Variants in FER1L6 observed in about 807,000 individuals in gnomAD.
FER1L6 encodes fer-1-like protein 6.
A neutral mutation model predicts 219.2 loss-of-function variants in FER1L6; 177 were observed. That is an observed-to-expected ratio of 0.81 (90% confidence interval 0.71 to 0.91). The LOEUF is 0.91. FER1L6 is among the 40% of genes least tolerant of loss of function. The pLI, the probability that FER1L6 is intolerant of heterozygous loss-of-function variation, is 0.00. For synonymous variants in FER1L6, 768 were observed against 824.3 expected (o/e 0.93, Z 1.17); for missense variants, 2,153 against 2,259.9 (o/e 0.95, Z 0.96).
intron 33 of FER1L6, among the ~76,000 whole-genome samples, chr8:124,083,245 TTCTA>T (rs1247633616): frequency 2.6e-5 from 4 of 152,202 alleles, no homozygotes; most frequent in African/African-American, 4.8e-5. Context: ...CTGTATCTTA[TTCTA>T]TCTAACTATA....
chr8:124,014,786 C>G (rs1278432335), intron 15 of FER1L6, among the ~76,000 whole-genome samples: 1 of 152,136 alleles, frequency 6.6e-6, no homozygotes, highest in Non-Finnish European at 1.5e-5. Context: ...TTATCTTTTA[C>G]TGAGAAACAA....
At position 124,061,978 on chromosome 8, in the gene FER1L6, C is replaced by G. The variant is rs1459532241; in HGVS notation, c.3274C>G (p.Leu1092Val). 1.2e-6 allele frequency: 2 copies of G among 1,614,176 alleles called. No homozygotes were observed. The highest frequency in any genetic ancestry group is 2.2e-5 in the South Asian group (2 of 91,086). ...CTACTTGAAGCAGTTTTTGTGTAAA[C>G]TCAGAGAGCCCCTTGCCCCCATCAC... is the stretch of plus-strand genomic sequence containing the variant. ...INYLKQFLCK[L>V]REPLAPITQV... is the part of the protein sequence containing the mutation. Residue 1092 changes from leucine (L) to valine (V), a missense_variant, in exon 25 of 41, where the codon CTC becomes GTC. By Grantham distance (32) the Leu-to-Val change is conservative. Transcript: ENST00000522917.
chr8:124,081,932 C>A (rs1430878503), intron 32 of FER1L6, among the ~76,000 whole-genome samples: 1 of 152,130 alleles, frequency 6.6e-6, no homozygotes, highest in Non-Finnish European at 1.5e-5. Flanking sequence ...AAATAACTTT[C>A]CCAAAGTTTT....
chr8:123,880,245 G>C (rs1185551565), intron 1 of FER1L6, among the ~76,000 whole-genome samples: 1 of 152,006 alleles, frequency 6.6e-6, no homozygotes, highest in Non-Finnish European at 1.5e-5. Context: ...TTGACCAGCT[G>C]ATCGACCAAC....
intron 1 of FER1L6, among the ~76,000 whole-genome samples, chr8:123,927,096 A>G (rs577545248): frequency 6.6e-6 from 1 of 151,782 alleles, no homozygotes; most frequent in African/African-American, 2.4e-5. Flanking sequence ...CATTGGTGCT[A>G]GTAAGAACAC....
rs982700744 is a variant in FER1L6, at chr8:123,852,550, G to A, written c.-8+365G>A. On this transcript the variant is annotated intron_variant, in intron 1 of 40. Coordinates refer to ENST00000522917, the MANE Select transcript of FER1L6 (RefSeq NM_001039112.2). This position sits in a 1 kb window ranked among gnomAD's most constrained non-coding sequence, Gnocchi z 4.9. ...AGAGGGAGGAGAAAGAAGAGAGACT[G>A]GTAAAATTTTGGGGGATTATAGAGA... Among the ~76,000 whole-genome samples the A allele has an allele frequency of 1.1e-4, 16 of 151,546 alleles. No individual in the cohort carries two copies. Among genetic ancestry groups the A allele is most frequent in the Admixed American group, 7.9e-4 (12 of 15,172 alleles).
At chr8:124,038,654 T>C (rs1477986115) in intron 19 of FER1L6, among the ~76,000 whole-genome samples, 1 of 152,176 alleles carries the variant, frequency 6.6e-6, no homozygotes, top group Non-Finnish European at 1.5e-5. Flanking sequence ...GGAACTATTA[T>C]TACCTCGATT....
intron 12 of FER1L6, among the ~76,000 whole-genome samples, chr8:123,992,314 G>A (rs1432515014): frequency 6.6e-6 from 1 of 150,850 alleles, no homozygotes; most frequent in Non-Finnish European, 1.5e-5. Context: ...ATTCAGCTGT[G>A]AATCCATCTG....
rs367691177 is a variant in FER1L6, at chr8:124,096,738, A to T, written c.4696-533A>T. Among the ~76,000 whole-genome samples, 12 of 152,286 alleles carry T rather than the reference A, an allele frequency of 7.9e-5. No homozygotes were observed. In the East Asian group the frequency reaches 1.9e-3, roughly 25 times the overall value. ...AGAATCCTGGCTGGGGTGAACATTA[A>T]CAGAGATAATGAAGGTAAAGGTACA... On this transcript the variant is annotated intron_variant, in intron 35 of 40. Coordinates refer to ENST00000522917, the MANE Select transcript of FER1L6 (RefSeq NM_001039112.2).
intron 13 of FER1L6, among the ~76,000 whole-genome samples, chr8:124,008,175 T>C (rs932459138): frequency 1.3e-5 from 2 of 152,250 alleles, no homozygotes; most frequent in Non-Finnish European, 1.5e-5. Flanking sequence ...CTCCCATTTA[T>C]GAATGAAAGC....
Position 123,976,002 on chromosome 8 carries a change from T to C in FER1L6, c.788T>C (p.Met263Thr). 6.2e-7 allele frequency: 1 copy of C among 1,614,114 alleles called. No individual in the cohort carries two copies. The highest frequency in any genetic ancestry group is 8.5e-7 in the Non-Finnish European group (1 of 1,179,972). ...TTGCCCAAAATGAATTCAAGCATCA[T>C]GGCGAACGTCACCAAGGCATTTGTG... ...EGLPKMNSSI[M>T]ANVTKAFVGD... is the part of the protein sequence containing the mutation. Residue 263 changes from methionine to threonine, a missense_variant, in exon 9 of 41, where the codon ATG becomes ACG. Physicochemically the swap from Met to Thr is moderately conservative, Grantham distance 81 (BLOSUM62 -1). Transcript: ENST00000522917.
chr8:124,100,999 C>A (rs540624899), intron 37 of FER1L6, 98 bp from the exon 38 acceptor site: 1 of 1,116,310 alleles, frequency 9.0e-7, no homozygotes, highest in Admixed American at 2.1e-5. Context: ...TTAAACTATG[C>A]TCTGTGACCA....
intron 1 of FER1L6, among the ~76,000 whole-genome samples, chr8:123,944,712 G>C (rs1447834956): frequency 6.6e-6 from 1 of 152,136 alleles, no homozygotes; most frequent in African/African-American, 2.4e-5. Context: ...ATGAGGTACA[G>C]GGTAACCAGA....
rs543679100 is a variant in FER1L6, at chr8:123,917,755, A to G, written c.-7-38237A>G. Reference sequence around the variant, plus strand: ...CAGGCATCTTTCTATGCATATATACATTTTTATACACAAATTGTATCGCAT... The same window carrying G: ...CAGGCATCTTTCTATGCATATATACGTTTTTATACACAAATTGTATCGCAT... On this transcript the variant is annotated intron_variant, in intron 1 of 40. Transcript: ENST00000522917. 3.3e-5 allele frequency among the ~76,000 whole-genome samples: 5 copies of G among 152,330 alleles called. No individual in the cohort carries two copies. The East Asian group carries it at 5.8e-4, about 18-fold the overall frequency.
chr8:124,067,068 T>C (rs1820859939), intron 27 of FER1L6, among the ~76,000 whole-genome samples: 2 of 152,164 alleles, frequency 1.3e-5, no homozygotes. Context: ...GATCTAGTTA[T>C]GAAGCTGGAG....
chr8:123,872,484 T>C (rs1420188998), intron 1 of FER1L6, among the ~76,000 whole-genome samples: 1 of 152,140 alleles, frequency 6.6e-6, no homozygotes, highest in Non-Finnish European at 1.5e-5. Context: ...TGGGGTGCCC[T>C]AGATGGGATG....
intron 17 of FER1L6, 135 bp from the exon 18 acceptor site, chr8:124,023,309 G>C: frequency 3.6e-6 from 3 of 833,324 alleles, no homozygotes; most frequent in South Asian, 1.9e-5. Flanking sequence ...TCAGTGCCTA[G>C]ATGGTGTCAG....
intron 33 of FER1L6, among the ~76,000 whole-genome samples, chr8:124,088,755 A>G (rs1207022925): frequency 1.3e-5 from 2 of 152,106 alleles, no homozygotes; most frequent in African/African-American, 4.8e-5. Context: ...CCCTCAAGGC[A>G]TCACGTTCCC....
chr8:123,944,773 T>A (rs1342003790), intron 1 of FER1L6, among the ~76,000 whole-genome samples: 2 of 152,114 alleles, frequency 1.3e-5, no homozygotes, highest in Admixed American at 6.5e-5. Flanking sequence ...CCAGCCTCCT[T>A]TCCCTCACAG....
Sources: gnomAD v4.1 joint callset for allele counts (sites outside exome capture counted in the v4.1 genomes callset) on GRCh38, gnomAD v4.1.1 for gene constraint, Gnocchi (gnomAD v3.1) non-coding constraint, MANE v1.5 for transcripts, NCBI Gene and HGNC (gene_info 2026-07-23, HGNC 2026-07-21) for gene names.